Variants in STAG1 observed in about 807,000 individuals in gnomAD.
STAG1 encodes STAG1 cohesin complex component.
Under a neutral mutation model 170.9 loss-of-function variants are expected in STAG1, and 26 were observed. The observed-to-expected ratio is 0.15, with a 90% CI of 0.11 to 0.21. The LOEUF (loss-of-function observed/expected upper bound fraction) is 0.21, where lower values mean the gene tolerates loss of function less well. Ranked by LOEUF, STAG1 falls within the 10% of genes least tolerant of loss-of-function variation. The probability of loss-of-function intolerance (pLI) is 1.00; values close to 1 mark genes in which losing one functional copy is unlikely to be tolerated. For synonymous variants in STAG1, 514 were observed against 497.7 expected, an observed-to-expected ratio of 1.03 and a Z score of -0.44; for missense variants, 964 against 1,509.5, an observed-to-expected ratio of 0.64 and a Z score of 5.99.
At chr3:136,523,322 A>T (rs895697035) in intron 6 of STAG1, among the ~76,000 whole-genome samples, 3 of 152,152 alleles carry the variant, frequency 2.0e-5, no homozygotes, top group African/African-American at 7.2e-5. Context: ...ACGGCCAGAG[A>T]TAATGAGCAT....
At chr3:136,650,761 A>G (rs954106531) in intron 1 of STAG1, among the ~76,000 whole-genome samples, 5 of 152,190 alleles carry the variant, frequency 3.3e-5, no homozygotes, top group South Asian at 2.1e-4. Flanking sequence ...AGGAGATATT[A>G]TGGGACTTAA....
chr3:136,657,135 C>A (rs1576723959), intron 1 of STAG1, among the ~76,000 whole-genome samples: 1 of 150,114 alleles, frequency 6.7e-6, no homozygotes, highest in East Asian at 1.9e-4. Flanking sequence ...AAAAAAGTGG[C>A]CAGTGTATAG....
At chr3:136,479,060 C>CTTTTTTTTTTTTTTTTTTATTTTTTTT (rs66966875) in intron 9 of STAG1, among the ~76,000 whole-genome samples, 1 of 125,170 alleles carries the variant, frequency 8.0e-6, no homozygotes, top group Non-Finnish European at 1.6e-5. Context: ...TATAATCTTT[C>CTTTTTTTTTTTTTTTTTTATTTTTTTT]TTTTTTTTTT....
chr3:136,364,041 T>C (rs1481413799), intron 25 of STAG1, among the ~76,000 whole-genome samples: 1 of 151,992 alleles, frequency 6.6e-6, no homozygotes, highest in Non-Finnish European at 1.5e-5. Context: ...ATTACAGGCG[T>C]GAGCCACTGC....
intron 1 of STAG1, among the ~76,000 whole-genome samples, chr3:136,683,809 G>A (rs1942423408): frequency 6.6e-6 from 1 of 152,094 alleles, no homozygotes; most frequent in African/African-American, 2.4e-5. Context: ...CACAAGAGCT[G>A]ACCAAAAAAC....
chr3:136,692,035 C>G (rs751495823), intron 1 of STAG1, among the ~76,000 whole-genome samples: 5 of 152,158 alleles, frequency 3.3e-5, no homozygotes, highest in African/African-American at 9.7e-5. Context: ...TCAATTACAG[C>G]CAGGGGCAGT....
intron 5 of STAG1, among the ~76,000 whole-genome samples, chr3:136,553,794 T>C (rs1366080769): frequency 6.6e-6 from 1 of 151,730 alleles, no homozygotes; most frequent in Non-Finnish European, 1.5e-5. Context: ...TTCAAAGAAG[T>C]AGAGAAAAGA....
chr3:136,369,658 C>A (rs1314173265), intron 23 of STAG1, among the ~76,000 whole-genome samples: 12 of 152,024 alleles, frequency 7.9e-5, no homozygotes, highest in Admixed American at 5.3e-4. Context: ...TAGATTATAA[C>A]AAAGATTAGA....
chr3:136,371,622 A>G (rs376073002), intron 23 of STAG1, among the ~76,000 whole-genome samples: 2 of 152,090 alleles, frequency 1.3e-5, no homozygotes, highest in Non-Finnish European at 2.9e-5. Context: ...AATCCTTTCC[A>G]CATTGCTTGT....
At chr3:136,566,764 A>G (rs528864867) in intron 5 of STAG1, among the ~76,000 whole-genome samples, 4 of 152,344 alleles carry the variant, frequency 2.6e-5, no homozygotes, top group Non-Finnish European at 5.9e-5. Context: ...CATTCTTTAT[A>G]AAGACCAAAT....
At chr3:136,597,422 C>T (rs900593935) in intron 4 of STAG1, among the ~76,000 whole-genome samples, 2 of 152,304 alleles carry the variant, frequency 1.3e-5, no homozygotes, top group Non-Finnish European at 2.9e-5. Context: ...CAGATCTGTA[C>T]TCCCACTAGT....
intron 1 of STAG1, chr3:136,736,501 G>A (rs865947547): frequency 1.8e-5 from 25 of 1,385,844 alleles, no homozygotes; most frequent in Middle Eastern, 5.0e-4. Flanking sequence ...GGTCATTCAC[G>A]CTGCTCCATT....
intron 12 of STAG1, among the ~76,000 whole-genome samples, chr3:136,465,978 G>C (rs2089445919): frequency 6.6e-6 from 1 of 152,034 alleles, no homozygotes; most frequent in Non-Finnish European, 1.5e-5. Flanking sequence ...AAACAGAAAG[G>C]ACATCCACAC....
At chr3:136,456,095 AC>A (rs1479583516) in intron 13 of STAG1, among the ~76,000 whole-genome samples, 1 of 152,220 alleles carries the variant, frequency 6.6e-6, no homozygotes, top group Admixed American at 6.5e-5. Flanking sequence ...CTCTTCAAAT[AC>A]ACAAGCATCA....
chr3:136,751,918 G>C (rs1289565626), intron 1 of STAG1, among the ~76,000 whole-genome samples: 2 of 150,818 alleles, frequency 1.3e-5, no homozygotes, highest in African/African-American at 4.8e-5. Context: ...TGGTGCCCGC[G>C]GGAGGGGTGG....
intron 9 of STAG1, among the ~76,000 whole-genome samples, chr3:136,479,131 G>A (rs1350045112): frequency 6.9e-6 from 1 of 145,148 alleles, no homozygotes; most frequent in Non-Finnish European, 1.5e-5. Context: ...CATTGTGCAG[G>A]TTAGTTACAT....
intron 15 of STAG1, among the ~76,000 whole-genome samples, chr3:136,441,205 G>T (rs750894660): frequency 6.6e-6 from 1 of 151,898 alleles, no homozygotes; most frequent in African/African-American, 2.4e-5. Context: ...GCTAATTTTT[G>T]TATTTTTAGT....
chr3:136,405,902 C>T (rs899300055), intron 21 of STAG1, among the ~76,000 whole-genome samples: 3 of 149,418 alleles, frequency 2.0e-5, no homozygotes, highest in Non-Finnish European at 4.4e-5. Context: ...GTACCAATGA[C>T]GATACACAAT....
chr3:136,388,752 A>G (rs567899863), intron 22 of STAG1, among the ~76,000 whole-genome samples: 8 of 152,280 alleles, frequency 5.3e-5, no homozygotes, highest in African/African-American at 1.9e-4. Context: ...AGGAAAAACA[A>G]TTTTTAATGA....
Sources: allele counts gnomAD v4.1 joint callset (sites outside exome capture counted in the v4.1 genomes callset), GRCh38; gene constraint gnomAD v4.1.1; transcripts MANE v1.5; gene names NCBI Gene and HGNC (gene_info 2026-07-23, HGNC 2026-07-21).